The following PMS1 variants were observed in gnomAD, a reference collection of about 807,000 sequenced individuals.
PMS1 encodes the protein PMS1 protein homolog 1.
Under a neutral mutation model 93.1 loss-of-function variants are expected in PMS1, and 79 were observed. The ratio of observed to expected loss-of-function variants is 0.85; its 90% CI spans 0.71 to 1.02. The LOEUF is 1.02. Among genes scored for constraint, PMS1 ranks in the 50% least tolerant of loss-of-function variants. PMS1 has a pLI of 0.00. For synonymous variants in PMS1, 335 were observed against 363.4 expected, an observed-to-expected ratio of 0.92 and a Z score of 0.89; for missense variants, 1,064 against 1,085.3, an observed-to-expected ratio of 0.98 and a Z score of 0.28.
chr2:189,792,719 A>ATATATATATATATATATG (rs1491154950), intron 2 of PMS1, among the ~76,000 whole-genome samples: 1 of 144,074 alleles, frequency 6.9e-6, no homozygotes, highest in Admixed American at 7.0e-5. Context: ...ATATATATAT[A>ATATATATATATATATATG]TGTAAAATAA....
intron 9 of PMS1, among the ~76,000 whole-genome samples, chr2:189,859,681 T>A (rs1490134761): frequency 2.0e-5 from 3 of 152,182 alleles, no homozygotes; most frequent in Admixed American, 1.3e-4. Context: ...AATTTTTTTT[T>A]ATTCTTGAGT....
intron 5 of PMS1, among the ~76,000 whole-genome samples, chr2:189,823,107 T>TCTCTAAAA (rs2052091293): frequency 6.6e-6 from 1 of 152,094 alleles, no homozygotes; most frequent in Admixed American, 6.5e-5. Flanking sequence ...ATAATTCATG[T>TCTCTAAAA]CTTGATCTCT....
At position 189,791,786 on chromosome 2, in the gene PMS1, C is replaced by T. The variant is rs763251117; in HGVS notation, c.-20-4C>T. 2 of 1,611,856 alleles carry T rather than the reference C, an allele frequency of 1.2e-6. No homozygotes were observed. Among genetic ancestry groups the T allele is most frequent in the Non-Finnish European group, 1.7e-6 (2 of 1,178,536 alleles). On this transcript the variant is annotated splice_polypyrimidine_tract_variant and splice_region_variant and intron_variant, in intron 1 of 12. Coordinates refer to ENST00000441310, the MANE Select transcript of PMS1 (RefSeq NM_000534.5). The stretch of plus-strand genomic sequence containing the variant: ...TTCTTACAAGTTGCATTTTTATCTT[C>T]TAGCTGCTCTGTTAAAAGCGAAAAT...
chr2:189,847,930 A>G (rs2054387770), intron 6 of PMS1, among the ~76,000 whole-genome samples: 1 of 152,108 alleles, frequency 6.6e-6, no homozygotes, highest in Admixed American at 6.6e-5. Flanking sequence ...TCTTGGATGG[A>G]AGCTTGTACT....
chr2:189,870,990 G>A (rs566887732), intron 11 of PMS1, among the ~76,000 whole-genome samples: 1 of 152,296 alleles, frequency 6.6e-6, no homozygotes, highest in African/African-American at 2.4e-5. Context: ...AAGAAAAGAG[G>A]TTTATTTGGC....
Position 189,834,224 on chromosome 2 carries a change from C to T in PMS1, c.583-9740C>T, listed in dbSNP as rs183721226. Among the ~76,000 whole-genome samples the T allele has an allele frequency of 7.3e-4, 111 of 152,250 alleles. 1 individual carries two copies. Among genetic ancestry groups the T allele is most frequent in the Non-Finnish European group, 2.1e-4 (14 of 68,028 alleles). ...GGAAGTGGCCTTAAGACTGGTTCTT[C>T]GGAAAGACTATGTGGGCAGAGGTAT... is the stretch of plus-strand genomic sequence containing the variant. On this transcript the variant is annotated intron_variant, in intron 5 of 12. Coordinates refer to ENST00000441310, the MANE Select transcript of PMS1 (RefSeq NM_000534.5).
chr2:189,791,958 A>G lies in PMS1; in HGVS notation c.132+17A>G. Reference sequence around the variant, plus strand: ...GTTAAACTGGTGAGTGTCCTTGAGAACCCAAATACCTTTAAGACAAAGAAA... The same window carrying G: ...GTTAAACTGGTGAGTGTCCTTGAGAGCCCAAATACCTTTAAGACAAAGAAA... On this transcript the variant is annotated intron_variant, in intron 2 of 12. Coordinates refer to ENST00000441310, the MANE Select transcript of PMS1 (RefSeq NM_000534.5). 6.2e-7 allele frequency: 1 copy of G among 1,611,844 alleles called. No homozygotes were observed. The highest frequency in any genetic ancestry group is 8.5e-7 in the Non-Finnish European group (1 of 1,178,124).
intron 6 of PMS1, 44 bp from the exon 7 acceptor site, chr2:189,852,611 G>A: frequency 6.4e-7 from 1 of 1,568,464 alleles, no homozygotes; most frequent in East Asian, 2.2e-5. Context: ...CCAGACCCGT[G>A]GAACTACATT....
intron 2 of PMS1, among the ~76,000 whole-genome samples, chr2:189,795,508 T>C (rs1459437513): frequency 6.6e-6 from 1 of 152,120 alleles, no homozygotes; most frequent in Non-Finnish European, 1.5e-5. Context: ...CCCATGATAA[T>C]GAAACAGTGA....
At chr2:189,822,331 T>C (rs753522607) in intron 5 of PMS1, among the ~76,000 whole-genome samples, 2 of 152,244 alleles carry the variant, frequency 1.3e-5, no homozygotes, top group Non-Finnish European at 2.9e-5. Context: ...GACCCAAGTC[T>C]ACTCGAAGAA....
intron 5 of PMS1, among the ~76,000 whole-genome samples, chr2:189,829,380 T>G (rs954540871): frequency 2.2e-4 from 33 of 152,206 alleles, no homozygotes; most frequent in African/African-American, 7.5e-4. Flanking sequence ...TATCTTACTC[T>G]CTTCAACAAT....
chr2:189,835,902 G>GGGTGACAGAATAAGACCC, intron 5 of PMS1, among the ~76,000 whole-genome samples: 3 of 107,748 alleles, frequency 2.8e-5, no homozygotes, highest in African/African-American at 1.3e-4. Context: ...ACTCTAGCCT[G>GGGTGACAGAATAAGACCC]TCTCAAAAAA....
At chr2:189,873,014 GAACA>G (rs2057284141) in intron 11 of PMS1, among the ~76,000 whole-genome samples, 1 of 151,980 alleles carries the variant, frequency 6.6e-6, no homozygotes, top group Non-Finnish European at 1.5e-5. Flanking sequence ...AAAATATTTT[GAACA>G]AACAGTATTT....
intron 1 of PMS1, among the ~76,000 whole-genome samples, chr2:189,788,341 G>A (rs2048549292): frequency 6.6e-6 from 1 of 152,148 alleles, no homozygotes; most frequent in Admixed American, 6.5e-5. Flanking sequence ...AGTATCCTGG[G>A]ATGTTTTTAG....
intron 11 of PMS1, among the ~76,000 whole-genome samples, chr2:189,868,445 T>A (rs1356669779): frequency 6.6e-6 from 1 of 152,194 alleles, no homozygotes; most frequent in Non-Finnish European, 1.5e-5. Context: ...ATTGGGTGGA[T>A]TTAAAAAGAA....
intron 9 of PMS1, among the ~76,000 whole-genome samples, chr2:189,858,339 A>T (rs2055569282): frequency 6.6e-6 from 1 of 152,142 alleles, no homozygotes; most frequent in South Asian, 2.1e-4. Context: ...AACTAAAAAA[A>T]AATTGCAACT....
intron 2 of PMS1, 103 bp downstream of exon 2, chr2:189,792,044 T>C (rs779850752): frequency 2.0e-6 from 2 of 1,006,072 alleles, no homozygotes; most frequent in Non-Finnish European, 1.5e-6. Context: ...TTTACACCAA[T>C]AAATTATTCT....
At chr2:189,802,718 G>C (rs1490760633) in intron 3 of PMS1, among the ~76,000 whole-genome samples, 4 of 152,196 alleles carry the variant, frequency 2.6e-5, no homozygotes, top group African/African-American at 9.7e-5. Flanking sequence ...TACTATAAAA[G>C]GGTCAGGGGA....
chr2:189,854,757 A>G lies in PMS1; in HGVS notation c.1485A>G (p.Ala495=). Residue 495 remains alanine, a synonymous_variant, in exon 9 of 13, where the codon GCA becomes GCG. Transcript: ENST00000441310. ...AGLENSSEIS[A]DEWSRGNILK... is the part of the protein sequence containing the mutation. Reference sequence around the variant, plus strand: ...TTGAAAACTCTTCGGAAATTTCTGCAGATGAGTGGAGCAGGGGAAATATAC... The same window carrying G: ...TTGAAAACTCTTCGGAAATTTCTGCGGATGAGTGGAGCAGGGGAAATATAC... 6.2e-7 allele frequency: 1 copy of G among 1,613,920 alleles called. No homozygotes were observed. Among genetic ancestry groups the G allele is most frequent in the Admixed American group, 1.7e-5 (1 of 60,006 alleles).
Sources: gnomAD v4.1 joint callset for allele counts (sites outside exome capture counted in the v4.1 genomes callset) on GRCh38, gnomAD v4.1.1 for gene constraint, MANE v1.5 for transcripts, NCBI Gene and HGNC (gene_info 2026-07-23, HGNC 2026-07-21) for gene names.